ANKRD26: variants seen among roughly 807,000 people sequenced by gnomAD.
The protein encoded by ANKRD26 is ankyrin repeat domain 26, also known as ankyrin repeat domain-containing protein 26.
Under a neutral mutation model 208.7 loss-of-function variants are expected in ANKRD26, and 141 were observed. That is an observed-to-expected ratio of 0.68 (90% CI 0.59 to 0.78). The LOEUF (loss-of-function observed/expected upper bound fraction) is 0.78, where lower values mean the gene tolerates loss of function less well. Ranked by LOEUF, ANKRD26 falls within the 30% of genes least tolerant of loss-of-function variation. The pLI is 0.00. For missense variants in ANKRD26, 1,889 were observed against 1,938.7 expected (o/e 0.97, Z 0.48); for synonymous variants, 636 against 660.4 (o/e 0.96, Z 0.57).
chr10:27,100,145 T>G lies in ANKRD26; in HGVS notation c.182A>C (p.Lys61Thr), dbSNP rs568607169. ...HKAASAGNVA[K>T]VQQILLLRKN... is the part of the protein sequence containing the mutation. ...CCTGAGCAAAAGGATCTGCTGCACTTTCGCCACATTACCCGCGCTGGCAGC... is the reference window on the plus strand; with the variant it reads ...CCTGAGCAAAAGGATCTGCTGCACTGTCGCCACATTACCCGCGCTGGCAGC... The change falls in exon 1 of 34, where the codon AAA becomes ACA. Residue 61 changes from lysine (K) to threonine (T), a missense_variant. This residue lies in a region of ANKRD26 where 1,272 missense variants were observed against 1,273.8 expected (regional missense o/e 1.00). Coordinates refer to ENST00000376087, the MANE Select transcript of ANKRD26 (RefSeq NM_014915.3). The G allele has an allele frequency of 4.3e-6, 7 of 1,614,136 alleles. No homozygotes were observed. In the African/African-American group the frequency reaches 8.0e-5, roughly 18 times the overall value.
intron 9 of ANKRD26, among the ~76,000 whole-genome samples, chr10:27,070,823 G>A (rs917483298): frequency 4.6e-5 from 7 of 151,950 alleles, no homozygotes; most frequent in Non-Finnish European, 7.4e-5. Context: ...GTGCCACCAC[G>A]CCCGGCTAAT....
intron 1 of ANKRD26, among the ~76,000 whole-genome samples, chr10:27,097,095 T>C (rs10829179): frequency 0.075 from 11,347 of 151,942 alleles, 615 homozygotes; most frequent in African/African-American, 0.15. Flanking sequence ...GGCAGGAGAA[T>C]TGCTTGAACC....
chr10:27,034,103 A>G lies in ANKRD26; in HGVS notation c.3654+693T>C, dbSNP rs189720967. 1.6e-4 allele frequency among the ~76,000 whole-genome samples: 25 copies of G among 152,366 alleles called. 1 individual carries two copies. Among genetic ancestry groups the G allele is most frequent in the Admixed American group, 1.4e-3 (21 of 15,310 alleles). ...CAAATTATTTGCTCATAATATATTC[A>G]AAGTAAATTATAAATACCACTGGGG... On this transcript the variant is annotated intron_variant, in intron 24 of 33. Transcript: ENST00000376087.
At position 27,082,839 on chromosome 10, in the gene ANKRD26, A is replaced by G. The variant is rs370007430; in HGVS notation, c.710-6T>C. On this transcript the variant is annotated splice_region_variant and splice_polypyrimidine_tract_variant and intron_variant, in intron 5 of 33. Transcript: ENST00000376087. ...GTCTTCAGAGCTTTCATCCACTATT[A>G]AAGAGAAAAGTAAAACACACTTTAA... 160 of 1,587,960 alleles carry G rather than the reference A, an allele frequency of 1.0e-4. No homozygotes were observed. In the African/African-American group the frequency reaches 1.9e-3, roughly 19 times the overall value.
intron 9 of ANKRD26, among the ~76,000 whole-genome samples, chr10:27,070,813 G>A (rs764253394): frequency 6.6e-5 from 10 of 151,912 alleles, no homozygotes; most frequent in Non-Finnish European, 7.4e-5. Context: ...TTATAGGCAC[G>A]TGCCACCACG....
rs1484155535 is a variant in ANKRD26, at chr10:27,088,791, T to C, written c.639-2182A>G. On this transcript the variant is annotated intron_variant, in intron 4 of 33. Coordinates refer to ENST00000376087, the MANE Select transcript of ANKRD26 (RefSeq NM_014915.3). ...CTCTTCCTGCAACATTATTTGAACC[T>C]GACAGTTGAGAACAATCCCAACTAA... Among the ~76,000 whole-genome samples, 9 of 152,202 alleles carry C rather than the reference T, an allele frequency of 5.9e-5. No homozygotes were observed. In the East Asian group the frequency reaches 1.7e-3, roughly 29 times the overall value.
At chr10:27,007,001 G>T in intron 32 of ANKRD26, 39 bp from the exon 33 acceptor site, 1 of 1,440,312 alleles carries the variant, frequency 6.9e-7, no homozygotes, top group South Asian at 1.2e-5. Context: ...GTTTAAGTTA[G>T]ACAAGAGACA....
At chr10:26,948,238 G>A in the ANKRD26 span, among the ~76,000 whole-genome samples, 3 of 152,168 alleles carry the variant, frequency 2.0e-5, no homozygotes, top group African/African-American at 7.2e-5. Flanking sequence ...AATTGACCTT[G>A]CCTTTTAGAA....
chr10:27,064,010 A>ATT lies in ANKRD26; in HGVS notation c.1339_1340dup (p.Asn447LysfsTer3). ...TACCTTCTGCTTGTTCATTTCCTAT[A>ATT]TTTTTTTCTTTTCCGTCTGCAGCCC... On this transcript the variant is annotated frameshift_variant, in exon 12 of 34. Transcript: ENST00000376087. LOFTEE classifies it high-confidence loss of function. 1.9e-6 allele frequency: 3 copies of ATT among 1,609,860 alleles called. No individual in the cohort carries two copies. The highest frequency in any genetic ancestry group is 2.5e-6 in the Non-Finnish European group (3 of 1,178,756).
chr10:27,071,456 G>A (rs777767975), intron 9 of ANKRD26, among the ~76,000 whole-genome samples: 2 of 151,810 alleles, frequency 1.3e-5, no homozygotes, highest in Admixed American at 6.6e-5. Flanking sequence ...TTACAGGCAT[G>A]AGCCACCACA....
intron 11 of ANKRD26, among the ~76,000 whole-genome samples, chr10:27,064,988 T>C (rs955277042): frequency 5.9e-5 from 9 of 152,190 alleles, no homozygotes; most frequent in African/African-American, 2.2e-4. Flanking sequence ...TGCTTCTTGG[T>C]CATTCTAAGA....
At chr10:27,071,670 G>C (rs1443875367) in intron 9 of ANKRD26, among the ~76,000 whole-genome samples, 1 of 152,052 alleles carries the variant, frequency 6.6e-6, no homozygotes, top group Non-Finnish European at 1.5e-5. Context: ...AAAGAAACCA[G>C]AGACCCTGTG....
At chr10:27,064,670 A>C (rs1218634072) in intron 11 of ANKRD26, among the ~76,000 whole-genome samples, 1 of 152,218 alleles carries the variant, frequency 6.6e-6, no homozygotes, top group Non-Finnish European at 1.5e-5. Context: ...ACAATGGCTT[A>C]GAAAAATCTA....
chr10:27,032,899 G>A (rs12784807), intron 25 of ANKRD26, among the ~76,000 whole-genome samples: 14,041 of 150,298 alleles, frequency 0.093, 777 homozygotes, highest in East Asian at 0.28. Flanking sequence ...GTGAAACCTC[G>A]TCTCTACTAA....
At chr10:27,000,637 T>A (rs12416080), downstream of ANKRD26, among the ~76,000 whole-genome samples, 3,037 of 152,280 alleles carry the variant, frequency 0.02, 155 homozygotes, top group East Asian at 0.16. Flanking sequence ...GAAGGTAACA[T>A]AATAGAATCA....
At chr10:27,067,858 C>T (rs576150247) in intron 9 of ANKRD26, among the ~76,000 whole-genome samples, 143 of 152,318 alleles carry the variant, frequency 9.4e-4, no homozygotes, top group African/African-American at 3.4e-3. Flanking sequence ...GTGTCTATCA[C>T]ATCATAGGCA....
chr10:26,981,770 G>C (rs536218801), intron 4 of ANKRD26, among the ~76,000 whole-genome samples: 1 of 152,198 alleles, frequency 6.6e-6, no homozygotes, highest in South Asian at 2.1e-4. Flanking sequence ...AATTCAAGGA[G>C]TGTGTCAGAC....
intron 4 of ANKRD26, 40 bp downstream of exon 4, chr10:27,092,366 A>C (rs982040787): frequency 1.4e-6 from 2 of 1,477,464 alleles, no homozygotes; most frequent in Admixed American, 1.8e-5. Flanking sequence ...ACTTTTAAAC[A>C]TACAAGTTTA....
At position 27,093,409 on chromosome 10, in the gene ANKRD26, C is replaced by T. The variant is rs1460194481; in HGVS notation, c.471G>A (p.Glu157=). 1 of 1,614,124 alleles carries T rather than the reference C, an allele frequency of 6.2e-7. No homozygotes were observed. The highest frequency in any genetic ancestry group is 1.7e-5 in the Admixed American group (1 of 60,020). The change falls in exon 3 of 34, where the codon GAG becomes GAA. Residue 157 remains glutamate, a synonymous_variant. Coordinates refer to ENST00000376087, the MANE Select transcript of ANKRD26 (RefSeq NM_014915.3). ...GCAGCTTTGTTGCTACTGATATGTC[C>T]TCATTATAGACAGCATAGTGAAGAG... is the stretch of plus-strand genomic sequence containing the variant. ...NTALHYAVYN[E]DISVATKLLL... is the part of the protein sequence containing the mutation.
Sources: allele counts gnomAD v4.1 joint callset (sites outside exome capture counted in the v4.1 genomes callset), GRCh38; gene constraint gnomAD v4.1.1; regional missense constraint gnomAD v4.1.1; transcripts MANE v1.5; gene names NCBI Gene and HGNC (gene_info 2026-07-23, HGNC 2026-07-21).